The following VPS13B variants were observed in gnomAD, a reference collection of about 807,000 sequenced individuals.
The protein encoded by VPS13B is intermembrane lipid transfer protein VPS13B.
In VPS13B, 285 loss-of-function variants were observed where a neutral mutation model predicts 426.4. The ratio of observed to expected loss-of-function variants is 0.67; its 90% confidence interval spans 0.61 to 0.74. The LOEUF (loss-of-function observed/expected upper bound fraction) is 0.74, where lower values mean the gene tolerates loss of function less well. VPS13B is among the 30% of genes least tolerant of loss of function. VPS13B has a pLI of 0.00. For synonymous variants in VPS13B, 1,676 were observed against 1,676.4 expected (o/e 1.00, Z 0.01); for missense variants, 4,537 against 4,782.6 (o/e 0.95, Z 1.51).
intron 19 of VPS13B, among the ~76,000 whole-genome samples, chr8:99,281,217 A>G (rs1178941557): frequency 6.6e-6 from 1 of 152,242 alleles, no homozygotes; most frequent in Non-Finnish European, 1.5e-5. Context: ...GACAGGAGGC[A>G]GAGCTCAGGC....
intron 57 of VPS13B, 44 bp downstream of exon 57, chr8:99,859,524 T>A: frequency 8.6e-6 from 2 of 231,768 alleles, no homozygotes; most frequent in Non-Finnish European, 6.9e-6. Flanking sequence ...ACTCCTTCCC[T>A]TTTTTTTTTT....
At position 99,763,557 on chromosome 8, in the gene VPS13B, G is replaced by T. The variant is rs543937047; in HGVS notation, c.7051-3217G>T. On this transcript the variant is annotated intron_variant, in intron 39 of 61. Transcript: ENST00000357162. The stretch of plus-strand genomic sequence containing the variant: ...ATTTTAAAAAAATTATTTGTGTTCA[G>T]AAAAGAGAAAGGATTTTTCCATCTG... Among the ~76,000 whole-genome samples, 16 of 152,300 alleles carry T rather than the reference G, an allele frequency of 1.1e-4. No individual in the cohort carries two copies. In the East Asian group the frequency reaches 3.1e-3, roughly 29 times the overall value.
chr8:99,028,803 G>A (rs1164693749), intron 2 of VPS13B, among the ~76,000 whole-genome samples: 2 of 107,786 alleles, frequency 1.9e-5, no homozygotes, highest in East Asian at 3.1e-4. Context: ...CCGGGCAGAG[G>A]AGCCCCTCAC....
chr8:99,574,918 C>CT (rs1825698041), intron 31 of VPS13B, among the ~76,000 whole-genome samples: 1 of 152,154 alleles, frequency 6.6e-6, no homozygotes, highest in Non-Finnish European at 1.5e-5. Context: ...AATCCCAGCA[C>CT]TTTGAGAGTC....
chr8:99,087,013 G>T (rs1167006048), intron 3 of VPS13B, among the ~76,000 whole-genome samples: 1 of 152,200 alleles, frequency 6.6e-6, no homozygotes, highest in East Asian at 1.9e-4. Flanking sequence ...AGTCTGCAGA[G>T]GATTCTGCTA....
At chr8:99,135,784 C>G (rs1810040718) in intron 11 of VPS13B, 51 bp downstream of exon 11, 1 of 1,608,434 alleles carries the variant, frequency 6.2e-7, no homozygotes, top group South Asian at 1.1e-5. Flanking sequence ...TGGGTGGACA[C>G]ATTGTATGAA....
At chr8:99,503,289 A>G (rs1049492769) in intron 27 of VPS13B, among the ~76,000 whole-genome samples, 5 of 152,232 alleles carry the variant, frequency 3.3e-5, no homozygotes, top group South Asian at 2.1e-4. Context: ...TGAGCATTCA[A>G]TGAGTCATAA....
chr8:99,138,537 G>A (rs1338267079), intron 12 of VPS13B, among the ~76,000 whole-genome samples: 1 of 152,162 alleles, frequency 6.6e-6, no homozygotes, highest in East Asian at 1.9e-4. Context: ...GCCTGACATT[G>A]GTTTGTTTAA....
chr8:99,418,504 T>C (rs1816179146), intron 21 of VPS13B, among the ~76,000 whole-genome samples: 1 of 145,686 alleles, frequency 6.9e-6, no homozygotes, highest in African/African-American at 2.6e-5. Context: ...TCTTTCTTTC[T>C]TTCTTTCTTT....
At chr8:99,851,333 T>A (rs1816284055) in intron 55 of VPS13B, among the ~76,000 whole-genome samples, 1 of 152,172 alleles carries the variant, frequency 6.6e-6, no homozygotes, top group Non-Finnish European at 1.5e-5. Flanking sequence ...ATCCCTTCCC[T>A]AGAGAAGATG....
chr8:99,384,385 A>G (rs1814003971), intron 20 of VPS13B, 68 bp downstream of exon 20: 1 of 1,205,888 alleles, frequency 8.3e-7, no homozygotes, highest in African/African-American at 1.5e-5. Context: ...AGAATTATAT[A>G]TGTCTTTTGA....
intron 54 of VPS13B, among the ~76,000 whole-genome samples, chr8:99,842,798 A>C (rs909192015): frequency 6.6e-6 from 1 of 152,198 alleles, no homozygotes; most frequent in Non-Finnish European, 1.5e-5. Flanking sequence ...ATTGTGGTAG[A>C]AGATATTGTA....
Position 99,442,538 on chromosome 8 carries a change from C to G in VPS13B, c.3348C>G (p.Leu1116=). The change falls in exon 23 of 62, where the codon CTC becomes CTG. Residue 1116 remains leucine (L), a synonymous_variant. Coordinates refer to ENST00000357162, the MANE Select transcript of VPS13B (RefSeq NM_152564.5). ...GQTSMPGTLV[L]CLPQIKIISA... ...CCAGCATGCCGGGAACACTTGTCCT[C>G]TGTTTGCCTCAAATAAAGATTATTA... 3.7e-6 allele frequency: 6 copies of G among 1,613,858 alleles called. No homozygotes were observed. In the East Asian group the frequency reaches 1.3e-4, roughly 36 times the overall value.
At chr8:99,366,560 T>G (rs1034695447) in intron 19 of VPS13B, among the ~76,000 whole-genome samples, 5 of 151,388 alleles carry the variant, frequency 3.3e-5, no homozygotes, top group African/African-American at 1.2e-4. Context: ...TCAGCCACTC[T>G]ATGTCTTTTG....
rs369930405 is a variant in VPS13B, at chr8:99,136,695, C to T, written c.1594C>T (p.Arg532Trp). Residue 532 changes from arginine to tryptophan, a missense_variant, in exon 12 of 62, where the codon CGG becomes TGG. Coordinates refer to ENST00000357162, the MANE Select transcript of VPS13B (RefSeq NM_152564.5). ...ETYTEIAGMQRFGAFYMDYLY... is the reference protein window; with the variant it reads ...ETYTEIAGMQWFGAFYMDYLY... ...ATACACTGAGATAGCTGGAATGCAA[C>T]GGTTTGGGGCTTTTTATATGGATTA... 105 of 1,613,440 alleles carry T rather than the reference C, an allele frequency of 6.5e-5. No individual in the cohort carries two copies. The highest frequency in any genetic ancestry group is 7.6e-5 in the Non-Finnish European group (90 of 1,179,638).
chr8:99,109,384 CTTTCTT>C (rs1847237652), intron 5 of VPS13B, among the ~76,000 whole-genome samples: 1 of 140,876 alleles, frequency 7.1e-6, no homozygotes, highest in Non-Finnish European at 1.6e-5. Context: ...CTTTTTCTTT[CTTTCTT>C]TTTTTTTTTT....
At chr8:99,524,733 T>C (rs1822558620) in intron 30 of VPS13B, among the ~76,000 whole-genome samples, 1 of 152,138 alleles carries the variant, frequency 6.6e-6, no homozygotes, top group Non-Finnish European at 1.5e-5. Flanking sequence ...GTTGAGGCTG[T>C]AGTGAGCTGT....
At chr8:99,122,014 G>C (rs1847971035) in intron 8 of VPS13B, among the ~76,000 whole-genome samples, 1 of 150,074 alleles carries the variant, frequency 6.7e-6, no homozygotes, top group Non-Finnish European at 1.5e-5. Flanking sequence ...ACTGTGCCCA[G>C]CTAATTTTTT....
At chr8:99,061,329 T>C (rs1215345170) in intron 3 of VPS13B, among the ~76,000 whole-genome samples, 2 of 151,446 alleles carry the variant, frequency 1.3e-5, no homozygotes, top group Non-Finnish European at 2.9e-5. Context: ...TTGTTCATTT[T>C]GCCATGACTA....
Sources: gnomAD v4.1 joint callset for allele counts (sites outside exome capture counted in the v4.1 genomes callset) on GRCh38, gnomAD v4.1.1 for gene constraint, MANE v1.5 for transcripts, NCBI Gene and HGNC (gene_info 2026-07-23, HGNC 2026-07-21) for gene names.